Variants in LIN9 observed in about 807,000 individuals in gnomAD.
LIN9 encodes the protein protein lin-9 homolog.
A neutral mutation model predicts 78.0 loss-of-function variants in LIN9; 18 were observed. The observed-to-expected ratio is 0.23, with a 90% CI of 0.16 to 0.34. The LOEUF (loss-of-function observed/expected upper bound fraction) is 0.34. Ranked by LOEUF, LIN9 falls within the 10% of genes least tolerant of loss-of-function variation. LIN9 has a pLI of 1.00. For missense variants in LIN9, 451 were observed against 644.1 expected (o/e 0.70, Z 3.25); for synonymous variants, 192 against 215.2 (o/e 0.89, Z 0.94).
chr1:226,298,216 C>T (rs908756140), intron 2 of LIN9, among the ~76,000 whole-genome samples: 2 of 152,074 alleles, frequency 1.3e-5, no homozygotes, highest in African/African-American at 4.8e-5. Context: ...TTTACTTTTT[C>T]TTTGTGTGTG....
chr1:226,237,857 G>T (rs1323694708), intron 12 of LIN9, among the ~76,000 whole-genome samples: 1 of 151,134 alleles, frequency 6.6e-6, no homozygotes, highest in Non-Finnish European at 1.5e-5. Flanking sequence ...GAAGGCTGAG[G>T]CAGGAGAATT....
chr1:226,268,536 T>C (rs1660069923), intron 7 of LIN9, among the ~76,000 whole-genome samples: 1 of 152,234 alleles, frequency 6.6e-6, no homozygotes, highest in Admixed American at 6.5e-5. Flanking sequence ...CTTTGTCTGG[T>C]ATCTGGGAAC....
chr1:226,255,241 CT>C (rs1382269093), intron 10 of LIN9, among the ~76,000 whole-genome samples: 1 of 152,134 alleles, frequency 6.6e-6, no homozygotes, highest in Non-Finnish European at 1.5e-5. Context: ...CTCTTGCTTC[CT>C]GCAAGGGGAA....
intron 6 of LIN9, among the ~76,000 whole-genome samples, chr1:226,278,411 A>G (rs1345189007): frequency 6.6e-6 from 1 of 151,904 alleles, no homozygotes; most frequent in African/African-American, 2.4e-5. Flanking sequence ...CCTGGGCGAC[A>G]AGAGTGAGAC....
chr1:226,238,874 T>C, intron 12 of LIN9, 97 bp downstream of exon 12: 1 of 1,224,636 alleles, frequency 8.2e-7, no homozygotes, highest in South Asian at 1.4e-5. Context: ...AAGGACTTTA[T>C]GAAGATATTG....
In LIN9 at chr1:226,295,774, TAA is replaced by T. The variant is rs1002727138; in HGVS notation, c.264+66_264+67del. The T allele has an allele frequency of 2.7e-5, 25 of 920,316 alleles. No homozygotes were observed. In the African/African-American group the frequency reaches 3.4e-4, roughly 13 times the overall value. 57.0% of individuals were successfully genotyped at this position (920,316 alleles called of 1,614,324 possible). ...TGTTACTCAAAATGTAACAGAAATA[TAA>T]ACTTTATTAGGCTGAGCATTTGCTT... On this transcript the variant is annotated intron_variant, in intron 4 of 14. Coordinates refer to ENST00000681046, the MANE Select transcript of LIN9 (RefSeq NM_001366245.2).
intron 10 of LIN9, among the ~76,000 whole-genome samples, chr1:226,256,155 G>A (rs1230968158): frequency 3.9e-5 from 6 of 152,014 alleles, no homozygotes; most frequent in Admixed American, 3.9e-4. Context: ...GGCTAAGGCG[G>A]GCAGACTGCT....
intron 4 of LIN9, among the ~76,000 whole-genome samples, chr1:226,293,661 C>T (rs1661935402): frequency 6.6e-6 from 1 of 152,184 alleles, no homozygotes. Flanking sequence ...CTCACTGCAA[C>T]CTCTGCCTCC....
At chr1:226,303,591 C>G (rs1021849582) in intron 1 of LIN9, among the ~76,000 whole-genome samples, 2 of 151,872 alleles carry the variant, frequency 1.3e-5, no homozygotes, top group African/African-American at 4.8e-5. Flanking sequence ...CCTTTTTTTT[C>G]TTTTTCGTTT....
upstream of LIN9, chr1:226,309,197 G>A (rs1202451794): frequency 7.5e-6 from 11 of 1,461,150 alleles, no homozygotes; most frequent in Non-Finnish European, 1.0e-5. Flanking sequence ...TTGTGGGGCG[G>A]AGACTGTCTT....
intron 11 of LIN9, among the ~76,000 whole-genome samples, chr1:226,246,578 C>A (rs1208556683): frequency 2.7e-5 from 4 of 150,288 alleles, no homozygotes; most frequent in Admixed American, 1.3e-4. Context: ...GTCAGGAGAT[C>A]GAGACCATCC....
chr1:226,276,539 TTCTC>T (rs1660670127), intron 7 of LIN9, among the ~76,000 whole-genome samples: 1 of 152,212 alleles, frequency 6.6e-6, no homozygotes, highest in African/African-American at 2.4e-5. Flanking sequence ...ATTCAGTCTC[TTCTC>T]TATTTTCTAC....
intron 12 of LIN9, among the ~76,000 whole-genome samples, chr1:226,238,537 T>C (rs1347403218): frequency 6.6e-6 from 1 of 152,028 alleles, no homozygotes; most frequent in African/African-American, 2.4e-5. Context: ...GGGGGATAGC[T>C]TGAGCCTGGG....
rs867716753 is a variant in LIN9, at chr1:226,238,867, G to C, written c.1245+104C>G. 58 of 1,122,452 alleles carry C rather than the reference G, an allele frequency of 5.2e-5. 1 individual carries two copies. In the Middle Eastern group the frequency reaches 1.1e-3, roughly 22 times the overall value. The allele number at this position is 1,122,452 out of a possible 1,614,324, so 69.5% of individuals were successfully genotyped here. ...TTTATATAATACAGTTCTGCTAAAG[G>C]ACTTTATGAAGATATTGGCTTGGTA... On this transcript the variant is annotated intron_variant, in intron 12 of 14. Transcript: ENST00000681046.
At chr1:226,305,315 G>GAAAAAAAAAAAAAAAAAA (rs111859953) in intron 1 of LIN9, among the ~76,000 whole-genome samples, 4 of 77,494 alleles carry the variant, frequency 5.2e-5, no homozygotes, top group African/African-American at 1.5e-4. Context: ...ACAAAAAAAA[G>GAAAAAAAAAAAAAAAAAA]AAAAAAAAAA....
At chr1:226,278,527 T>A (rs1307153971) in intron 6 of LIN9, among the ~76,000 whole-genome samples, 1 of 151,816 alleles carries the variant, frequency 6.6e-6, no homozygotes, top group Admixed American at 6.6e-5. Context: ...AAAAATAGGT[T>A]CTTAGATTGT....
At chr1:226,238,454 G>C (rs1433391975) in intron 12 of LIN9, among the ~76,000 whole-genome samples, 1 of 151,986 alleles carries the variant, frequency 6.6e-6, no homozygotes, top group Admixed American at 6.6e-5. Context: ...AACATAGCGA[G>C]ACTTCATCTC....
chr1:226,278,675 T>C (rs2102946824), intron 6 of LIN9, among the ~76,000 whole-genome samples: 1 of 145,466 alleles, frequency 6.9e-6, no homozygotes, highest in African/African-American at 2.6e-5. Flanking sequence ...AATGCAAAAA[T>C]TAGACAGGCG....
intron 4 of LIN9, among the ~76,000 whole-genome samples, chr1:226,294,946 T>C (rs1662048237): frequency 6.6e-6 from 1 of 151,690 alleles, no homozygotes; most frequent in Non-Finnish European, 1.5e-5. Context: ...ATTACAGGCG[T>C]GTGCCACTAT....
Sources: gnomAD v4.1 joint callset for allele counts (sites outside exome capture counted in the v4.1 genomes callset) on GRCh38, gnomAD v4.1.1 for gene constraint, MANE v1.5 for transcripts, NCBI Gene and HGNC (gene_info 2026-07-23, HGNC 2026-07-21) for gene names.